OS9: variants seen among roughly 807,000 people sequenced by gnomAD.
The protein encoded by OS9 is OS9 endoplasmic reticulum lectin.
A neutral mutation model predicts 84.7 loss-of-function variants in OS9; 58 were observed. That is an observed-to-expected ratio of 0.68 (90% CI 0.55 to 0.85). The LOEUF is 0.85. Ranked by LOEUF, OS9 falls within the 40% of genes least tolerant of loss-of-function variation. The pLI, the probability that OS9 is intolerant of heterozygous loss-of-function variation, is 0.00. For missense variants in OS9, 760 were observed against 850.9 expected (o/e 0.89, Z 1.33); for synonymous variants, 278 against 320.8 (o/e 0.87, Z 1.43).
At chr12:57,710,293 G>A (rs559363795) in intron 5 of OS9, among the ~76,000 whole-genome samples, 2 of 152,278 alleles carry the variant, frequency 1.3e-5, no homozygotes, top group African/African-American at 4.8e-5. Flanking sequence ...TTGGCATAAA[G>A]TTCATTGTAT....
Position 57,715,891 on chromosome 12 carries a change from C to T in OS9, c.711C>T (p.Pro237=), listed in dbSNP as rs1012609266. Residue 237 remains proline, a synonymous_variant, in exon 6 of 15, where the codon CCC becomes CCT. Coordinates refer to ENST00000315970, the MANE Select transcript of OS9 (RefSeq NM_006812.4). ...CCCACCCTCTCCTCCGGCCCCCACC[C>T]AGTGCTGCACCGCAGGCCATCCTCT... is the stretch of plus-strand genomic sequence containing the variant. ...LCPHPLLRPP[P]SAAPQAILCH... is the part of the protein sequence containing the mutation. 11 of 1,613,490 alleles carry T rather than the reference C, an allele frequency of 6.8e-6. No individual in the cohort carries two copies. Among genetic ancestry groups the T allele is most frequent in the Admixed American group, 5.0e-5 (3 of 59,916 alleles).
At chr12:57,717,818 A>AAT in intron 9 of OS9, 52 bp from the exon 10 acceptor site, 1 of 895,180 alleles carries the variant, frequency 1.1e-6, no homozygotes, top group East Asian at 2.8e-5. Flanking sequence ...AAAAAAAAAA[A>AAT]AGAATTTAAA....
At position 57,715,808 on chromosome 12, in the gene OS9, G is replaced by T; in HGVS notation, c.628G>T (p.Val210Leu). The T allele has an allele frequency of 6.2e-7, 1 of 1,613,800 alleles. No individual in the cohort carries two copies. Among genetic ancestry groups the T allele is most frequent in the Non-Finnish European group, 8.5e-7 (1 of 1,179,866 alleles). The change falls in exon 6 of 15, where the codon GTG becomes TTG. Residue 210 changes from valine to leucine, a missense_variant. Val to Leu is a conservative substitution (Grantham distance 32). Transcript: ENST00000315970. ...AGISGDYIDR[V>L]DEPLSCSYVL... ...TATCTCTGGGGACTACATCGATCGC[G>T]TGGACGAGCCCTTGTCCTGCTCTTA...
chr12:57,709,607 G>A (rs187046492), intron 5 of OS9, among the ~76,000 whole-genome samples: 517 of 152,204 alleles, frequency 3.4e-3, no homozygotes, highest in South Asian at 0.014. Flanking sequence ...GATGCTCACC[G>A]TATTGTTCAG....
intron 5 of OS9, among the ~76,000 whole-genome samples, chr12:57,709,926 C>A (rs1186522864): frequency 6.6e-6 from 1 of 151,844 alleles, no homozygotes; most frequent in Non-Finnish European, 1.5e-5. Context: ...GATCTCGGCT[C>A]ACTGCAACCT....
intron 5 of OS9, among the ~76,000 whole-genome samples, chr12:57,709,619 T>C: frequency 6.6e-6 from 1 of 152,194 alleles, no homozygotes; most frequent in East Asian, 1.9e-4. Flanking sequence ...ATTGTTCAGA[T>C]TTTCTACAAT....
chr12:57,721,089 G>A lies in OS9; in HGVS notation c.*180G>A. 1.6e-6 allele frequency: 1 copy of A among 628,742 alleles called. No individual in the cohort carries two copies. The highest frequency in any genetic ancestry group is 2.7e-6 in the Non-Finnish European group (1 of 364,540). The allele number at this position is 628,742 out of a possible 1,614,324, so 38.9% of individuals were successfully genotyped here. On this transcript the variant is annotated 3_prime_UTR_variant, in exon 15 of 15. Coordinates refer to ENST00000315970, the MANE Select transcript of OS9 (RefSeq NM_006812.4). ...TGGGTGAATGCTGCTGCCCCTGCTGGCAGCCACCTTGAGACCTCACCGGGC... is the reference window on the plus strand; with the variant it reads ...TGGGTGAATGCTGCTGCCCCTGCTGACAGCCACCTTGAGACCTCACCGGGC...
chr12:57,694,564 G>A, intron 1 of OS9, 186 bp from the exon 2 acceptor site: 2 of 709,100 alleles, frequency 2.8e-6, no homozygotes, highest in Non-Finnish European at 4.7e-6. Context: ...CGAAACACCC[G>A]GACTCCGCCC....
chr12:57,712,609 T>G (rs1205039406), intron 5 of OS9, among the ~76,000 whole-genome samples: 2 of 152,142 alleles, frequency 1.3e-5, no homozygotes, highest in Non-Finnish European at 2.9e-5. Context: ...TTCCTATATA[T>G]GTTTCATACT....
chr12:57,695,388 T>A, intron 2 of OS9: 1 of 410,554 alleles, frequency 2.4e-6, no homozygotes. Context: ...ACAGTTGTAT[T>A]CCCAGTGGCC....
chr12:57,707,011 TA>T (rs1245870570), intron 5 of OS9, among the ~76,000 whole-genome samples: 1 of 152,166 alleles, frequency 6.6e-6, no homozygotes, highest in African/African-American at 2.4e-5. Context: ...TTTAATAAAG[TA>T]TAATTTCATA....
chr12:57,710,764 T>C (rs1022290220), intron 5 of OS9, among the ~76,000 whole-genome samples: 1 of 152,020 alleles, frequency 6.6e-6, no homozygotes. Context: ...TCCCACCTGG[T>C]CATGGTGGCT....
chr12:57,702,857 A>G, intron 5 of OS9, among the ~76,000 whole-genome samples: 1 of 152,088 alleles, frequency 6.6e-6, no homozygotes, highest in East Asian at 1.9e-4. Context: ...ACATCTTTTC[A>G]TATGCTTGGT....
intron 5 of OS9, among the ~76,000 whole-genome samples, chr12:57,700,951 T>C (rs539086920): frequency 6.6e-6 from 1 of 152,204 alleles, no homozygotes; most frequent in Non-Finnish European, 1.5e-5. Flanking sequence ...TAGAGACCCA[T>C]AAATTCACTG....
Position 57,694,335 on chromosome 12 carries a change from A to G in OS9, c.162+12A>G. On this transcript the variant is annotated intron_variant, in intron 1 of 14. Coordinates refer to ENST00000315970, the MANE Select transcript of OS9 (RefSeq NM_006812.4). ...TCATGGGAGGGCAGGTGAGAGGCGT[A>G]TAAGGGGCGAGGGTCTGGGCAGAAG... 1 of 1,613,872 alleles carries G rather than the reference A, an allele frequency of 6.2e-7. No individual in the cohort carries two copies. Among genetic ancestry groups the G allele is most frequent in the South Asian group, 1.1e-5 (1 of 91,076 alleles).
Position 57,715,906 on chromosome 12 carries a change from G to A in OS9, c.726G>A (p.Gln242=). The part of the protein sequence containing the change: ...LLRPPPSAAP[Q]AILCHPSLQP... ...GGCCCCCACCCAGTGCTGCACCGCA[G>A]GCCATCCTCTGTCACCCTTCCCTAC... The change falls in exon 6 of 15, where the codon CAG becomes CAA. Residue 242 remains glutamine, a synonymous_variant. Transcript: ENST00000315970. 4.3e-6 allele frequency: 7 copies of A among 1,613,594 alleles called. No homozygotes were observed. Among genetic ancestry groups the A allele is most frequent in the Non-Finnish European group, 5.9e-6 (7 of 1,179,778 alleles).
intron 2 of OS9, 89 bp downstream of exon 2, chr12:57,695,015 G>T: frequency 8.3e-7 from 1 of 1,199,202 alleles, no homozygotes; most frequent in Non-Finnish European, 1.2e-6. Flanking sequence ...CAGGATCTAG[G>T]GGACCTGTAG....
intron 14 of OS9, 55 bp from the exon 15 acceptor site, chr12:57,720,729 C>G (rs1005480556): frequency 2.0e-5 from 31 of 1,552,166 alleles, no homozygotes; most frequent in Non-Finnish European, 2.7e-5. Flanking sequence ...TGGCCCAGGA[C>G]TTCCCTGGGC....
intron 12 of OS9, chr12:57,719,544 C>T (rs1954614815): frequency 4.4e-6 from 1 of 228,222 alleles, no homozygotes; most frequent in African/African-American, 2.3e-5. Flanking sequence ...AAGAGAGGCC[C>T]CAGCTGTCAG....
Sources: allele counts gnomAD v4.1 joint callset (sites outside exome capture counted in the v4.1 genomes callset), GRCh38; gene constraint gnomAD v4.1.1; transcripts MANE v1.5; gene names NCBI Gene and HGNC (gene_info 2026-07-23, HGNC 2026-07-21).